AHRR: variants seen among roughly 807,000 people sequenced by gnomAD.
AHRR encodes ahR repressor.
AHRR carries 28 observed loss-of-function variants against 44.0 expected under a neutral mutation model. The observed-to-expected ratio is 0.64, with a 90% CI of 0.47 to 0.87. AHRR has a LOEUF of 0.87. Among genes scored for constraint, AHRR ranks in the 40% least tolerant of loss-of-function variants. AHRR has a pLI of 0.00. For missense variants in AHRR, 990 were observed against 953.9 expected, an observed-to-expected ratio of 1.04 and a Z score of -0.50; for synonymous variants, 434 against 407.0, an observed-to-expected ratio of 1.07 and a Z score of -0.80.
intron 5 of AHRR, among the ~76,000 whole-genome samples, chr5:415,123 C>G (rs879925735): frequency 2.0e-5 from 3 of 152,256 alleles, no homozygotes; most frequent in Non-Finnish European, 4.4e-5. Flanking sequence ...AGGTGAGATG[C>G]GCACCTGGAG....
intron 1 of AHRR, among the ~76,000 whole-genome samples, chr5:333,073 G>C (rs1741988361): frequency 6.6e-6 from 1 of 150,662 alleles, no homozygotes; most frequent in African/African-American, 2.4e-5. Context: ...CAATCTGTAT[G>C]TGTCTTTTTA....
chr5:430,291 T>C (rs772998039), intron 8 of AHRR, among the ~76,000 whole-genome samples: 2 of 152,200 alleles, frequency 1.3e-5, no homozygotes, highest in Non-Finnish European at 2.9e-5. Context: ...CACGCTGCCG[T>C]CCCTCCTGTT....
At chr5:376,549 T>TGCATGA in intron 3 of AHRR, 61 bp from the exon 4 acceptor site, 4 of 1,410,070 alleles carry the variant, frequency 2.8e-6, no homozygotes, top group East Asian at 2.4e-5. Flanking sequence ...AAGATGTGAA[T>TGCATGA]GAAGAAGAGT....
rs1737130373 is a variant in AHRR, at chr5:437,353, G to C, written c.*2519G>C. ...GGGCGCCGCCTGGGTCCCAAACGTG[G>C]CAGCTGCTCTTCCAGTCTCGGGGCC... On this transcript the variant is annotated 3_prime_UTR_variant, in exon 11 of 11. Transcript: ENST00000684583. 6.6e-6 allele frequency: 1 copy of C among 152,392 alleles called. No homozygotes were observed. Among genetic ancestry groups the C allele is most frequent in the Non-Finnish European group, 1.5e-5 (1 of 68,088 alleles). The allele number at this position is 152,392 out of a possible 1,614,324, so 9.4% of individuals were successfully genotyped here. A position where few individuals can be genotyped will look rare whatever the true frequency, so the allele number is the denominator to read the frequency against.
chr5:377,040 C>T (rs1246819388), intron 4 of AHRR, among the ~76,000 whole-genome samples: 1 of 152,124 alleles, frequency 6.6e-6, no homozygotes, highest in Non-Finnish European at 1.5e-5. Context: ...GAACCTTGTA[C>T]AAAATTAAGC....
In AHRR at chr5:353,741, T is replaced by TG; in HGVS notation, c.79dup (p.Ala27GlyfsTer30). On this transcript the variant is annotated frameshift_variant, in exon 3 of 11. Coordinates refer to ENST00000684583, the MANE Select transcript of AHRR (RefSeq NM_001377236.1). ...CCATCTCCCCACAGGAGGCCCGCCG[T>TG]GGGGGCAGAGAAGTCCAACCCCTCC... is the stretch of plus-strand genomic sequence containing the variant. 1 of 1,610,186 alleles carries TG rather than the reference T, an allele frequency of 6.2e-7. No individual in the cohort carries two copies. The highest frequency in any genetic ancestry group is 8.5e-7 in the Non-Finnish European group (1 of 1,179,144).
chr5:408,203 T>A (rs1735342746), intron 4 of AHRR, among the ~76,000 whole-genome samples: 1 of 152,246 alleles, frequency 6.6e-6, no homozygotes, highest in Non-Finnish European at 1.5e-5. Context: ...TTGGGCGCCA[T>A]CCTGGGGGCC....
chr5:322,306 C>T (rs557968570), intron 1 of AHRR, among the ~76,000 whole-genome samples: 2 of 152,306 alleles, frequency 1.3e-5, no homozygotes, highest in Admixed American at 1.3e-4. Context: ...CCTGAGAGAG[C>T]GATGTGGCGC....
At chr5:428,469 C>G (rs1233792920) in intron 8 of AHRR, among the ~76,000 whole-genome samples, 1 of 152,190 alleles carries the variant, frequency 6.6e-6, no homozygotes, top group Non-Finnish European at 1.5e-5. Flanking sequence ...TCCAGCTGGT[C>G]CTCGTCCCTG....
At chr5:398,670 C>A (rs1384096707) in intron 4 of AHRR, among the ~76,000 whole-genome samples, 2 of 152,156 alleles carry the variant, frequency 1.3e-5, no homozygotes, top group Admixed American at 1.3e-4. Context: ...GCGTGCCCCA[C>A]CCCCCTTGGC....
At chr5:340,981 A>G (rs1456453107) in intron 1 of AHRR, among the ~76,000 whole-genome samples, 1 of 150,596 alleles carries the variant, frequency 6.6e-6, no homozygotes, top group Non-Finnish European at 1.5e-5. Context: ...TATAGGCATG[A>G]GCCACTGCAC....
intron 3 of AHRR, among the ~76,000 whole-genome samples, chr5:373,039 C>T (rs1743631650): frequency 6.6e-6 from 1 of 152,364 alleles, no homozygotes; most frequent in South Asian, 2.1e-4. Context: ...TCTCGCTGTT[C>T]CAAATGAGCC....
At chr5:397,387 A>G (rs1392181416) in intron 4 of AHRR, among the ~76,000 whole-genome samples, 6 of 118,984 alleles carry the variant, frequency 5.0e-5, no homozygotes, top group Admixed American at 8.9e-5. Context: ...GCCCCTGACC[A>G]TCCATGTTAG....
intron 4 of AHRR, among the ~76,000 whole-genome samples, chr5:393,217 G>A (rs565065236): frequency 6.6e-6 from 1 of 152,356 alleles, no homozygotes; most frequent in East Asian, 1.9e-4. Context: ...AGCAGGGCCT[G>A]TGCCGGCACA....
At chr5:345,594 G>T (rs1742642273) in intron 2 of AHRR, among the ~76,000 whole-genome samples, 1 of 151,042 alleles carries the variant, frequency 6.6e-6, no homozygotes, top group Non-Finnish European at 1.5e-5. Flanking sequence ...GTGTGGGGGT[G>T]TGTCTGTGTG....
intron 1 of AHRR, among the ~76,000 whole-genome samples, chr5:333,433 T>C (rs1742005961): frequency 6.6e-6 from 1 of 152,116 alleles, no homozygotes; most frequent in South Asian, 2.1e-4. Context: ...CCATCTCTAC[T>C]AAAAATACAA....
chr5:428,050 G>A lies in AHRR; in HGVS notation c.908+44G>A, dbSNP rs531824368. The stretch of plus-strand genomic sequence containing the variant: ...TCACAGCCACATGGTGCCTGCTGGC[G>A]GCCCCCACAAAACACCTCCACACTC... On this transcript the variant is annotated intron_variant, in intron 8 of 10. Transcript: ENST00000684583. 2.9e-3 allele frequency: 4,523 copies of A among 1,573,320 alleles called. 19 individuals are homozygous for A. Among genetic ancestry groups the A allele is most frequent in the South Asian group, 6.1e-3 (541 of 88,420 alleles).
intron 7 of AHRR, among the ~76,000 whole-genome samples, chr5:424,289 GGGGGCTTT>G (rs1196206787): frequency 1.6e-4 from 24 of 148,820 alleles, no homozygotes; most frequent in South Asian, 4.3e-4. Flanking sequence ...GTGATGGTGT[GGGGGCTTT>G]AACCCACGTG....
chr5:336,667 T>C (rs1365189996), intron 1 of AHRR, among the ~76,000 whole-genome samples: 1 of 152,130 alleles, frequency 6.6e-6, no homozygotes, highest in Non-Finnish European at 1.5e-5. Flanking sequence ...TTATCAATTT[T>C]TTTCTCTTAT....
Sources: gnomAD v4.1 joint callset for allele counts (sites outside exome capture counted in the v4.1 genomes callset) on GRCh38, gnomAD v4.1.1 for gene constraint, MANE v1.5 for transcripts, NCBI Gene and HGNC (gene_info 2026-07-23, HGNC 2026-07-21) for gene names.